The following D2HGDH variants were observed in gnomAD, a reference collection of about 807,000 sequenced individuals.
The protein encoded by D2HGDH is D-2-hydroxyglutarate dehydrogenase, mitochondrial.
A neutral mutation model predicts 46.9 loss-of-function variants in D2HGDH; 31 were observed. The ratio of observed to expected loss-of-function variants is 0.66; its 90% CI spans 0.50 to 0.89. The LOEUF (loss-of-function observed/expected upper bound fraction) is 0.89, where lower values mean the gene tolerates loss of function less well. D2HGDH is among the 40% of genes least tolerant of loss of function. D2HGDH has a pLI of 0.00. For synonymous variants in D2HGDH, 364 were observed against 332.6 expected (o/e 1.09, Z -1.03); for missense variants, 698 against 720.8 (o/e 0.97, Z 0.36).
At chr2:241,737,057 C>T (rs1693088741) in intron 2 of D2HGDH, among the ~76,000 whole-genome samples, 1 of 151,642 alleles carries the variant, frequency 6.6e-6, no homozygotes, top group Non-Finnish European at 1.5e-5. Flanking sequence ...CAAGCTCCGC[C>T]TCCTGGCTTC....
In D2HGDH at chr2:241,743,745, C is replaced by T. The variant is rs750889931; in HGVS notation, c.614C>T (p.Ala205Val). ...AGCTGCCACATCGGGGGAAACGTGG[C>T]AACCAACGCTGGAGGCCTGCGGTTT... ...KGSCHIGGNV[A>V]TNAGGLRFLR... Residue 205 changes from alanine (A) to valine (V), a missense_variant, in exon 5 of 10, where the codon GCA becomes GTA. Transcript: ENST00000321264. This position sits in a 1 kb window ranked among gnomAD's most constrained non-coding sequence, Gnocchi z 4.8. The T allele has an allele frequency of 2.8e-5, 45 of 1,613,034 alleles. No individual in the cohort carries two copies. The highest frequency in any genetic ancestry group is 3.6e-5 in the Non-Finnish European group (43 of 1,179,672).
At chr2:241,755,020 C>T in intron 8 of D2HGDH, 1 of 1,287,678 alleles carries the variant, frequency 7.8e-7, no homozygotes, top group Non-Finnish European at 1.0e-6. Context: ...CAGAGGATGG[C>T]TCTGTCCTGT....
chr2:241,763,414 A>G (rs781200228), intron 9 of D2HGDH, among the ~76,000 whole-genome samples: 54 of 152,332 alleles, frequency 3.5e-4, no homozygotes, highest in South Asian at 8.3e-4. Context: ...AAAGTATGGT[A>G]TAAAAGGTAA....
intron 8 of D2HGDH, among the ~76,000 whole-genome samples, chr2:241,752,640 G>A (rs1462157649): frequency 6.6e-6 from 1 of 151,976 alleles, no homozygotes; most frequent in Non-Finnish European, 1.5e-5. Flanking sequence ...CAGCCGCCGG[G>A]GATTCTCTCA....
At chr2:241,744,636 C>A in intron 5 of D2HGDH, 73 bp from the exon 6 acceptor site, 2 of 1,584,804 alleles carry the variant, frequency 1.3e-6, no homozygotes, top group Non-Finnish European at 1.7e-6. Context: ...AGAAGTGACA[C>A]CTGGCCCCGG....
chr2:241,744,807 T>G lies in D2HGDH; in HGVS notation c.783T>G (p.Thr261=). The G allele has an allele frequency of 6.2e-7, 1 of 1,614,064 alleles. No homozygotes were observed. Among genetic ancestry groups the G allele is most frequent in the Non-Finnish European group, 8.5e-7 (1 of 1,179,996 alleles). Residue 261 remains threonine (T), a synonymous_variant, in exon 6 of 10, where the codon ACT becomes ACG. Transcript: ENST00000321264. ...AGCTGTTCATCGGGTCGGAGGGCAC[T>G]TTGGGGATCATCACCACGGTGTCCA... The part of the protein sequence containing the change: ...LKQLFIGSEG[T]LGIITTVSIL...
At chr2:241,758,480 A>G (rs531197801) in intron 9 of D2HGDH, among the ~76,000 whole-genome samples, 17 of 151,886 alleles carry the variant, frequency 1.1e-4, no homozygotes, top group Non-Finnish European at 2.4e-4. Flanking sequence ...GGATGCCCCC[A>G]CACCCTTTTT....
At position 241,735,142 on chromosome 2, in the gene D2HGDH, C is replaced by T. The variant is rs560355552; in HGVS notation, c.-83C>T. The T allele has an allele frequency of 2.0e-3, 2,731 of 1,379,550 alleles. 4 individuals are homozygous for T. The highest frequency in any genetic ancestry group is 2.4e-3 in the Non-Finnish European group (2,517 of 1,063,514). 85.5% of individuals were successfully genotyped at this position (1,379,550 alleles called of 1,614,324 possible). ...CCTTGGCCACTTCCAGGCGCGCAGC[C>T]AGCGGCTCCCTGCCCTTCCCCTCCG... On this transcript the variant is annotated 5_prime_UTR_variant, in exon 2 of 10. Coordinates refer to ENST00000321264, the MANE Select transcript of D2HGDH (RefSeq NM_152783.5).
intron 5 of D2HGDH, 141 bp from the exon 6 acceptor site, chr2:241,744,568 C>G: frequency 9.6e-7 from 1 of 1,044,010 alleles, no homozygotes; most frequent in Non-Finnish European, 1.4e-6. Flanking sequence ...TGGAGGGTGT[C>G]ACTCGTACAG....
intron 8 of D2HGDH, chr2:241,754,941 C>T (rs1697919618): frequency 9.0e-7 from 1 of 1,116,362 alleles, no homozygotes; most frequent in South Asian, 1.6e-5. Context: ...GATAGGGTCT[C>T]TGGAGGGGCA....
At chr2:241,755,081 C>T (rs1009881474) in intron 8 of D2HGDH, 41 of 1,303,574 alleles carry the variant, frequency 3.1e-5, no homozygotes, top group Admixed American at 1.6e-4. Flanking sequence ...GCAAAAGCCA[C>T]GCAAACCACA....
At chr2:241,754,613 C>CT (rs1186560705) in intron 8 of D2HGDH, 95 of 149,936 alleles carry the variant, frequency 6.3e-4, no homozygotes, top group African/African-American at 1.4e-3. Context: ...CTTTTTTTGT[C>CT]TTTTTTTTTT....
Position 241,744,764 on chromosome 2 carries a change from C to T in D2HGDH, c.740C>T (p.Thr247Met), listed in dbSNP as rs768774887. 6.6e-5 allele frequency: 106 copies of T among 1,614,134 alleles called. No individual in the cohort carries two copies. Among genetic ancestry groups the T allele is most frequent in the South Asian group, 2.7e-4 (25 of 91,092 alleles). ...DCLTSLRKDN[T>M]GYDLKQLFIG... ...CTGACCTCCCTGAGGAAGGACAACA[C>T]GGGCTATGACCTGAAGCAGCTGTTC... The change falls in exon 6 of 10, where the codon ACG becomes ATG. Residue 247 changes from threonine to methionine, a missense_variant. Coordinates refer to ENST00000321264, the MANE Select transcript of D2HGDH (RefSeq NM_152783.5).
chr2:241,735,765 C>T (rs779773451), intron 2 of D2HGDH, among the ~76,000 whole-genome samples: 21 of 152,038 alleles, frequency 1.4e-4, no homozygotes, highest in Non-Finnish European at 1.2e-4. Flanking sequence ...CTCACTCTGT[C>T]GCCAGGCTGG....
intron 8 of D2HGDH, among the ~76,000 whole-genome samples, chr2:241,753,232 T>C (rs974852747): frequency 1.3e-5 from 2 of 152,166 alleles, no homozygotes; most frequent in Non-Finnish European, 2.9e-5. Context: ...CTTTCTTAGG[T>C]GTGCGGCTCG....
chr2:241,767,690 A>G lies in D2HGDH; in HGVS notation c.1307-20A>G. The G allele has an allele frequency of 1.2e-6, 2 of 1,612,352 alleles. No homozygotes were observed. The highest frequency in any genetic ancestry group is 1.1e-5 in the South Asian group (1 of 91,050). On this transcript the variant is annotated intron_variant, in intron 9 of 9. Coordinates refer to ENST00000321264, the MANE Select transcript of D2HGDH (RefSeq NM_152783.5). Reference sequence around the variant, plus strand: ...GGGGCTGCCCTGCCCAGCCTGACCCATGTGCCCTTGTCCCTCCAGGAGATG... The same window carrying G: ...GGGGCTGCCCTGCCCAGCCTGACCCGTGTGCCCTTGTCCCTCCAGGAGATG...
chr2:241,747,376 C>T (rs1044009366), intron 6 of D2HGDH, among the ~76,000 whole-genome samples: 1 of 141,640 alleles, frequency 7.1e-6, no homozygotes, highest in Admixed American at 7.2e-5. Context: ...AGACGAGGTA[C>T]CTTCCTCCAG....
intron 2 of D2HGDH, among the ~76,000 whole-genome samples, chr2:241,735,766 G>T (rs1692615133): frequency 6.6e-6 from 1 of 151,968 alleles, no homozygotes; most frequent in South Asian, 2.1e-4. Context: ...TCACTCTGTC[G>T]CCAGGCTGGA....
Position 241,757,937 on chromosome 2 carries a change from T to A in D2HGDH, c.1306+1923T>A, listed in dbSNP as rs1359077347. Among the ~76,000 whole-genome samples, 2 of 147,768 alleles carry A rather than the reference T, an allele frequency of 1.4e-5. 1 individual carries two copies. The highest frequency in any genetic ancestry group is 4.0e-4 in the East Asian group (2 of 5,056). ...TTGCACCATTGCACTCCAGCCTGGG[T>A]GACAAGAGTGAAACTCCATCTCAAA... On this transcript the variant is annotated intron_variant, in intron 9 of 9. Transcript: ENST00000321264.
Sources: allele counts gnomAD v4.1 joint callset (sites outside exome capture counted in the v4.1 genomes callset), GRCh38; gene constraint gnomAD v4.1.1; non-coding constraint Gnocchi (gnomAD v3.1); transcripts MANE v1.5; gene names NCBI Gene and HGNC (gene_info 2026-07-23, HGNC 2026-07-21).